RSPO2: variants seen among roughly 807,000 people sequenced by gnomAD.
RSPO2 encodes R-spondin 2.
In RSPO2, 14 loss-of-function variants were observed where a neutral mutation model predicts 30.9. That is an observed-to-expected ratio of 0.45 (90% CI 0.30 to 0.71). The LOEUF (loss-of-function observed/expected upper bound fraction) is 0.71, where lower values mean the gene tolerates loss of function less well. RSPO2 is among the 30% of genes least tolerant of loss of function. The pLI, the probability that RSPO2 is intolerant of heterozygous loss-of-function variation, is 0.08. For missense variants in RSPO2, 264 were observed against 301.9 expected, an observed-to-expected ratio of 0.87 and a Z score of 0.93; for synonymous variants, 107 against 96.4, an observed-to-expected ratio of 1.11 and a Z score of -0.64.
intron 5 of RSPO2, among the ~76,000 whole-genome samples, chr8:107,921,362 T>G (rs1029777772): frequency 1.3e-5 from 2 of 151,916 alleles, no homozygotes; most frequent in African/African-American, 4.8e-5. Flanking sequence ...CATTGTGAGA[T>G]ATGAGGCAGT....
intron 2 of RSPO2, among the ~76,000 whole-genome samples, chr8:108,079,660 T>G (rs1813126168): frequency 6.7e-6 from 1 of 150,202 alleles, no homozygotes; most frequent in Non-Finnish European, 1.5e-5. Flanking sequence ...CGGAGAATGC[T>G]CCACAGTGAA....
chr8:107,969,828 T>C (rs1813934775), intron 3 of RSPO2, among the ~76,000 whole-genome samples: 1 of 152,208 alleles, frequency 6.6e-6, no homozygotes. Flanking sequence ...AACTCTCATC[T>C]TGGTTACTTC....
chr8:107,910,723 C>T (rs575968008), intron 5 of RSPO2, among the ~76,000 whole-genome samples: 33 of 152,152 alleles, frequency 2.2e-4, no homozygotes, highest in Admixed American at 2.2e-3. Context: ...CCTCCTATTG[C>T]AGTTTTGTTT....
Position 107,965,735 on chromosome 8 carries a change from C to T in RSPO2, c.284-4918G>A, listed in dbSNP as rs184127829. ...CTTGCTAAGTAAATGAACATGAATG[C>T]CATTCAAAAATTCAATTTCTGTAAT... On this transcript the variant is annotated intron_variant, in intron 3 of 5. Coordinates refer to ENST00000276659, the MANE Select transcript of RSPO2 (RefSeq NM_178565.5). Among the ~76,000 whole-genome samples, 8 of 152,062 alleles carry T rather than the reference C, an allele frequency of 5.3e-5. No individual in the cohort carries two copies. In the East Asian group the frequency reaches 1.4e-3, roughly 26 times the overall value.
At chr8:108,065,492 C>T (rs1040342874) in intron 2 of RSPO2, among the ~76,000 whole-genome samples, 2 of 151,912 alleles carry the variant, frequency 1.3e-5, no homozygotes, top group African/African-American at 2.4e-5. Context: ...TTTGACTTCA[C>T]TGGATAGTAA....
intron 5 of RSPO2, among the ~76,000 whole-genome samples, chr8:107,944,951 G>A (rs1039181730): frequency 2.0e-5 from 3 of 151,926 alleles, no homozygotes; most frequent in African/African-American, 7.2e-5. Flanking sequence ...AGAAAATCTA[G>A]TTTTATCACT....
At chr8:107,930,804 C>CA (rs1812530536) in intron 5 of RSPO2, among the ~76,000 whole-genome samples, 1 of 152,152 alleles carries the variant, frequency 6.6e-6, no homozygotes, top group Non-Finnish European at 1.5e-5. Context: ...ACAGCAGAGC[C>CA]AGGCATTGAG....
chr8:107,927,948 A>G (rs536404055), intron 5 of RSPO2, among the ~76,000 whole-genome samples: 36 of 152,264 alleles, frequency 2.4e-4, no homozygotes, highest in African/African-American at 8.7e-4. Context: ...GTTTACACCA[A>G]TGGTAACTAG....
chr8:107,911,862 G>C (rs1308141745), intron 5 of RSPO2, among the ~76,000 whole-genome samples: 1 of 152,012 alleles, frequency 6.6e-6, no homozygotes, highest in African/African-American at 2.4e-5. Context: ...CATTTAAATG[G>C]CTGCTGAACA....
chr8:107,950,215 ATG>A (rs750413198), intron 5 of RSPO2, among the ~76,000 whole-genome samples: 22 of 152,158 alleles, frequency 1.4e-4, no homozygotes, highest in African/African-American at 4.3e-4. Context: ...TGTACCATAC[ATG>A]TGTGTTTATT....
At chr8:108,004,431 G>C (rs771015336) in intron 2 of RSPO2, among the ~76,000 whole-genome samples, 7 of 152,160 alleles carry the variant, frequency 4.6e-5, no homozygotes, top group Non-Finnish European at 8.8e-5. Context: ...AACACAGCAA[G>C]CATACCTATG....
chr8:107,960,376 C>G (rs962952284), intron 4 of RSPO2, among the ~76,000 whole-genome samples: 8 of 151,704 alleles, frequency 5.3e-5, no homozygotes, highest in Non-Finnish European at 1.0e-4. Flanking sequence ...ATGTTTTTCT[C>G]TAACAGTTAC....
intron 5 of RSPO2, among the ~76,000 whole-genome samples, chr8:107,916,134 A>C (rs1811975026): frequency 6.6e-6 from 1 of 152,192 alleles, no homozygotes. Flanking sequence ...ATAAGTTCTT[A>C]AATCAAGTAT....
At chr8:108,067,757 G>A (rs1345722374) in intron 2 of RSPO2, among the ~76,000 whole-genome samples, 2 of 152,166 alleles carry the variant, frequency 1.3e-5, no homozygotes, top group Non-Finnish European at 2.9e-5. Flanking sequence ...TCCATAAAGA[G>A]CACTAGCAGC....
At chr8:107,906,652 C>G (rs760386069) in intron 5 of RSPO2, among the ~76,000 whole-genome samples, 113 of 151,976 alleles carry the variant, frequency 7.4e-4, no homozygotes, top group Non-Finnish European at 1.2e-3. Flanking sequence ...GTTCTTGAAG[C>G]TTTTTTCCTT....
chr8:108,030,005 A>AT (rs1445083431), intron 2 of RSPO2, among the ~76,000 whole-genome samples: 1 of 149,958 alleles, frequency 6.7e-6, no homozygotes, highest in Admixed American at 6.7e-5. Context: ...GAGTTCAAAC[A>AT]TTTTTTTTAA....
intron 2 of RSPO2, among the ~76,000 whole-genome samples, chr8:107,989,897 T>G (rs1380713528): frequency 1.2e-4 from 18 of 152,198 alleles, no homozygotes; most frequent in Non-Finnish European, 4.4e-5. Context: ...GACCTAGACT[T>G]TCATGAAATG....
chr8:107,982,212 T>C (rs1586599567), intron 3 of RSPO2, among the ~76,000 whole-genome samples: 1 of 152,288 alleles, frequency 6.6e-6, no homozygotes, highest in Middle Eastern at 3.4e-3. Context: ...TGTTTACAGA[T>C]GATTTTCCAA....
rs572736376 is a variant in RSPO2 at position 107,903,459 on chromosome 8, G to A, written c.617-2269C>T. On this transcript the variant is annotated intron_variant, in intron 5 of 5. Coordinates refer to ENST00000276659, the MANE Select transcript of RSPO2 (RefSeq NM_178565.5). ...AGCTCATTTTAAGATGGTCAATTTCGTTTCATTTACCCAATATATTATTCT... is the reference window on the plus strand; with the variant it reads ...AGCTCATTTTAAGATGGTCAATTTCATTTCATTTACCCAATATATTATTCT... 1.2e-4 allele frequency among the ~76,000 whole-genome samples: 19 copies of A among 152,034 alleles called. No individual in the cohort carries two copies. The South Asian group carries it at 1.9e-3, about 15-fold the overall frequency.
Sources: gnomAD v4.1 joint callset for allele counts (sites outside exome capture counted in the v4.1 genomes callset) on GRCh38, gnomAD v4.1.1 for gene constraint, MANE v1.5 for transcripts, NCBI Gene and HGNC (gene_info 2026-07-23, HGNC 2026-07-21) for gene names.